PDIA5: variants seen among roughly 807,000 people sequenced by gnomAD.
PDIA5 encodes protein disulfide-isomerase A5.
Under a neutral mutation model 77.6 loss-of-function variants are expected in PDIA5, and 58 were observed. The observed-to-expected ratio is 0.75, with a 90% CI of 0.61 to 0.93. The LOEUF (loss-of-function observed/expected upper bound fraction) is 0.93, where lower values mean the gene tolerates loss of function less well. Ranked by LOEUF, PDIA5 falls within the 40% of genes least tolerant of loss-of-function variation. PDIA5 has a pLI of 0.00. For synonymous variants in PDIA5, 250 were observed against 252.1 expected (o/e 0.99, Z 0.08); for missense variants, 630 against 647.7 (o/e 0.97, Z 0.30).
chr3:123,071,681 C>T (rs1048611789), intron 1 of PDIA5, among the ~76,000 whole-genome samples: 3 of 152,084 alleles, frequency 2.0e-5, no homozygotes, highest in Non-Finnish European at 4.4e-5. Context: ...GGATCCAGGA[C>T]GAGGCCAAGC....
intron 10 of PDIA5, among the ~76,000 whole-genome samples, chr3:123,124,729 C>T (rs1157993796): frequency 6.6e-6 from 1 of 152,186 alleles, no homozygotes; most frequent in Non-Finnish European, 1.5e-5. Flanking sequence ...CTCCTCAACA[C>T]ATCTATCTGA....
chr3:123,144,006 AGGGTGAG>A (rs1935701789), intron 11 of PDIA5, among the ~76,000 whole-genome samples: 1 of 152,182 alleles, frequency 6.6e-6, no homozygotes, highest in African/African-American at 2.4e-5. Flanking sequence ...TGGGAGGGAC[AGGGTGAG>A]GATGAGCTGA....
rs558875735 is a variant in PDIA5, at chr3:123,085,543, G to A, written c.43-3625G>A. Among the ~76,000 whole-genome samples the A allele has an allele frequency of 3.3e-5, 5 of 152,318 alleles. No individual in the cohort carries two copies. The South Asian group carries it at 1.0e-3, about 32-fold the overall frequency. On this transcript the variant is annotated intron_variant, in intron 1 of 16. Coordinates refer to ENST00000316218, the MANE Select transcript of PDIA5 (RefSeq NM_006810.4). ...CCTGGGTTAGATGACCTGCGGGATGGACTGGGTTTTATGGGAAGGAAGCTG... is the reference window on the plus strand; with the variant it reads ...CCTGGGTTAGATGACCTGCGGGATGAACTGGGTTTTATGGGAAGGAAGCTG...
chr3:123,104,893 G>T (rs2107935560), intron 5 of PDIA5, among the ~76,000 whole-genome samples: 1 of 152,336 alleles, frequency 6.6e-6, no homozygotes, highest in South Asian at 2.1e-4. Context: ...GCAGACTTTT[G>T]CCCTGAGGTC....
intron 8 of PDIA5, among the ~76,000 whole-genome samples, chr3:123,117,007 G>A (rs905063842): frequency 6.6e-6 from 1 of 151,476 alleles, no homozygotes; most frequent in Admixed American, 6.6e-5. Flanking sequence ...AGGGGAGCCT[G>A]GAGTGTTGTG....
intron 3 of PDIA5, 67 bp from the exon 4 acceptor site, chr3:123,102,344 A>G: frequency 1.7e-6 from 2 of 1,204,054 alleles, no homozygotes; most frequent in Non-Finnish European, 2.5e-6. Flanking sequence ...ACACCAGCAG[A>G]TTTTGCTGTC....
intron 11 of PDIA5, among the ~76,000 whole-genome samples, chr3:123,143,230 A>G (rs1343311978): frequency 6.6e-6 from 1 of 151,822 alleles, no homozygotes; most frequent in Non-Finnish European, 1.5e-5. Flanking sequence ...CTAAAAATAC[A>G]AAAAATTAGC....
At chr3:123,142,972 T>A (rs1208894379) in intron 11 of PDIA5, among the ~76,000 whole-genome samples, 2 of 152,300 alleles carry the variant, frequency 1.3e-5, no homozygotes, top group East Asian at 3.9e-4. Flanking sequence ...CTACTAATTA[T>A]TTAATTAGGT....
In PDIA5 at chr3:123,146,236, G is replaced by A; in HGVS notation, c.1119G>A (p.Lys373=). ...KYAVPVLRTK[K]KFLEWMQNPE... ...CAGTGCCTGTGCTCAGGACAAAGAA[G>A]AAGTTTCTCGAGTGGATGCAAAAGT... The change falls in exon 13 of 17, where the codon AAG becomes AAA. Residue 373 remains lysine, a synonymous_variant. Transcript: ENST00000316218. 6.2e-6 allele frequency: 10 copies of A among 1,613,990 alleles called. No homozygotes were observed. The highest frequency in any genetic ancestry group is 8.5e-6 in the Non-Finnish European group (10 of 1,179,938).
In PDIA5 at chr3:123,102,871, G is replaced by C; in HGVS notation, c.387+75G>C. 4.1e-6 allele frequency: 4 copies of C among 979,006 alleles called. No individual in the cohort carries two copies. In the Admixed American group the frequency reaches 7.0e-5, roughly 17 times the overall value. 60.6% of individuals were successfully genotyped at this position (979,006 alleles called of 1,614,324 possible). A position where few individuals can be genotyped will look rare whatever the true frequency, so the allele number is the denominator to read the frequency against. On this transcript the variant is annotated intron_variant, in intron 5 of 16. Coordinates refer to ENST00000316218, the MANE Select transcript of PDIA5 (RefSeq NM_006810.4). ...CCAAAGTCTGGCAGGTTTTCTCTCT[G>C]AGAAAAGAAAGGGCAGATTGCACAA... is the stretch of plus-strand genomic sequence containing the variant.
chr3:123,092,777 G>A (rs537638598), intron 3 of PDIA5, among the ~76,000 whole-genome samples: 3 of 152,108 alleles, frequency 2.0e-5, no homozygotes, highest in African/African-American at 4.8e-5. Context: ...TTGATACCCC[G>A]AGAGGCAAGG....
intron 11 of PDIA5, among the ~76,000 whole-genome samples, chr3:123,134,622 T>C (rs886085540): frequency 1.3e-5 from 2 of 152,168 alleles, no homozygotes; most frequent in Non-Finnish European, 1.5e-5. Context: ...ATTGTCTTTC[T>C]TCCCTCTCTC....
At chr3:123,160,712 G>A (rs1936139796) in intron 15 of PDIA5, among the ~76,000 whole-genome samples, 1 of 152,178 alleles carries the variant, frequency 6.6e-6, no homozygotes, top group Non-Finnish European at 1.5e-5. Flanking sequence ...CATGAATCTG[G>A]TGCCAGGTTC....
At position 123,130,606 on chromosome 3, in the gene PDIA5, C is replaced by T; in HGVS notation, c.900C>T (p.Phe300=). ...VKEHSSVLVM[F]HAPWCGHCKK... ...AACACTCCTCTGTCCTCGTCATGTT[C>T]CACGCCCCATGTGAGTGGAACTTTG... Residue 300 remains phenylalanine, a synonymous_variant, in exon 11 of 17, where the codon TTC becomes TTT. Transcript: ENST00000316218. 2 of 1,614,066 alleles carry T rather than the reference C, an allele frequency of 1.2e-6. No homozygotes were observed. Among genetic ancestry groups the T allele is most frequent in the Non-Finnish European group, 1.7e-6 (2 of 1,179,938 alleles).
Position 123,133,637 on chromosome 3 carries a change from T to C in PDIA5, c.910+3021T>C, listed in dbSNP as rs369807218. Among the ~76,000 whole-genome samples, 31 of 152,354 alleles carry C rather than the reference T, an allele frequency of 2.0e-4. No homozygotes were observed. In the East Asian group the frequency reaches 5.6e-3, roughly 27 times the overall value. Reference sequence around the variant, plus strand: ...TGTGACTGTGAATCTGGCCTGAGTCTGTCTAGAGGGTATGTACTTGTTTTT... The same window carrying C: ...TGTGACTGTGAATCTGGCCTGAGTCCGTCTAGAGGGTATGTACTTGTTTTT... On this transcript the variant is annotated intron_variant, in intron 11 of 16. Coordinates refer to ENST00000316218, the MANE Select transcript of PDIA5 (RefSeq NM_006810.4).
intron 1 of PDIA5, among the ~76,000 whole-genome samples, chr3:123,087,631 G>A (rs1006115900): frequency 1.3e-5 from 2 of 151,772 alleles, no homozygotes; most frequent in East Asian, 3.9e-4. Flanking sequence ...TAATTTTCTT[G>A]TTTTCTTCTG....
At chr3:123,152,408 G>A (rs1164981317) in intron 14 of PDIA5, among the ~76,000 whole-genome samples, 1 of 152,132 alleles carries the variant, frequency 6.6e-6, no homozygotes, top group African/African-American at 2.4e-5. Context: ...CTGTTACTGC[G>A]TTTTTCTGTC....
chr3:123,145,351 A>G, intron 11 of PDIA5, 171 bp from the exon 12 acceptor site: 1 of 587,664 alleles, frequency 1.7e-6, no homozygotes, highest in Non-Finnish European at 3.0e-6. Context: ...CCACTACCCC[A>G]ACCCACTTCT....
intron 13 of PDIA5, among the ~76,000 whole-genome samples, chr3:123,149,430 G>A (rs767573370): frequency 6.6e-6 from 1 of 152,204 alleles, no homozygotes; most frequent in South Asian, 2.1e-4. Flanking sequence ...ACGTGGCAGC[G>A]TGGGTGTAGC....
Sources: allele counts gnomAD v4.1 joint callset (sites outside exome capture counted in the v4.1 genomes callset), GRCh38; gene constraint gnomAD v4.1.1; transcripts MANE v1.5; gene names NCBI Gene and HGNC (gene_info 2026-07-23, HGNC 2026-07-21).